USPL1: variants seen among roughly 807,000 people sequenced by gnomAD.
The protein encoded by USPL1 is SUMO-specific isopeptidase USPL1.
A neutral mutation model predicts 51.5 loss-of-function variants in USPL1; 27 were observed. The observed-to-expected ratio is 0.52, with a 90% CI of 0.39 to 0.72. USPL1 has a LOEUF of 0.72. Ranked by LOEUF, USPL1 falls within the 30% of genes least tolerant of loss-of-function variation. The pLI, the probability that USPL1 is intolerant of heterozygous loss-of-function variation, is 0.00. For synonymous variants in USPL1, 451 were observed against 459.6 expected (o/e 0.98, Z 0.24); for missense variants, 1,226 against 1,268.0 (o/e 0.97, Z 0.50).
chr13:30,651,612 C>T (rs923237288), intron 7 of USPL1, among the ~76,000 whole-genome samples: 1 of 152,202 alleles, frequency 6.6e-6, no homozygotes, highest in African/African-American at 2.4e-5. Context: ...GTTTTAGTAA[C>T]TAGCCTCAGA....
At chr13:30,631,515 T>C (rs775388664) in intron 4 of USPL1, 41 bp downstream of exon 4, 1 of 1,529,222 alleles carries the variant, frequency 6.5e-7, no homozygotes, top group Admixed American at 1.9e-5. Context: ...TATTTATTCA[T>C]CTGGAGTCAG....
intron 4 of USPL1, among the ~76,000 whole-genome samples, chr13:30,633,504 C>T (rs1010487807): frequency 6.6e-6 from 1 of 152,030 alleles, no homozygotes; most frequent in Non-Finnish European, 1.5e-5. Context: ...GGTGCAGTGG[C>T]TCACATCTGT....
intron 3 of USPL1, among the ~76,000 whole-genome samples, chr13:30,629,174 T>C (rs1393163990): frequency 6.6e-6 from 1 of 152,194 alleles, no homozygotes; most frequent in Non-Finnish European, 1.5e-5. Flanking sequence ...TATCTGTTGG[T>C]GTGAAACGAA....
intron 3 of USPL1, among the ~76,000 whole-genome samples, chr13:30,629,639 A>G (rs1180495591): frequency 2.6e-5 from 4 of 152,194 alleles, no homozygotes; most frequent in African/African-American, 7.2e-5. Context: ...TTGAGTTCAA[A>G]TAGTCAGCCA....
intron 3 of USPL1, among the ~76,000 whole-genome samples, chr13:30,628,911 T>C (rs1018316160): frequency 2.6e-5 from 4 of 152,218 alleles, no homozygotes; most frequent in Non-Finnish European, 5.9e-5. Context: ...CGTACCTTTT[T>C]ATGATGCTTT....
intron 4 of USPL1, among the ~76,000 whole-genome samples, chr13:30,632,318 G>C (rs993454640): frequency 2.0e-5 from 3 of 150,270 alleles, no homozygotes; most frequent in African/African-American, 7.4e-5. Context: ...TGGCTGCATA[G>C]TATTCTATGG....
At chr13:30,648,005 C>T (rs568149000) in intron 7 of USPL1, among the ~76,000 whole-genome samples, 1 of 152,212 alleles carries the variant, frequency 6.6e-6, no homozygotes, top group African/African-American at 2.4e-5. Context: ...GCAGTCTGTT[C>T]TCCTTTTATA....
At chr13:30,654,531 G>A (rs34796483) in intron 8 of USPL1, among the ~76,000 whole-genome samples, 2,788 of 152,034 alleles carry the variant, frequency 0.018, 36 homozygotes, top group Middle Eastern at 0.048. Flanking sequence ...TGGCAATACT[G>A]TTTTAAACAT....
chr13:30,638,067 C>T (rs1384069180), intron 5 of USPL1, among the ~76,000 whole-genome samples: 4 of 152,178 alleles, frequency 2.6e-5, no homozygotes, highest in Admixed American at 2.6e-4. Flanking sequence ...TGTTCCACCT[C>T]TTGAGAGTGG....
At chr13:30,629,593 C>T (rs1950772559) in intron 3 of USPL1, among the ~76,000 whole-genome samples, 1 of 152,200 alleles carries the variant, frequency 6.6e-6, no homozygotes, top group South Asian at 2.1e-4. Context: ...GAAATGTCCA[C>T]ATGGCTGGCA....
chr13:30,649,723 G>C (rs1040777255), intron 7 of USPL1, among the ~76,000 whole-genome samples: 2 of 152,194 alleles, frequency 1.3e-5, no homozygotes, highest in African/African-American at 2.4e-5. Flanking sequence ...ATATTTCTCT[G>C]CTATCTTTGG....
intron 3 of USPL1, among the ~76,000 whole-genome samples, chr13:30,628,837 GC>G (rs1950759447): frequency 1.3e-5 from 2 of 152,206 alleles, no homozygotes; most frequent in Admixed American, 6.5e-5. Flanking sequence ...TGTGAATAAT[GC>G]TGCAGTGAAT....
At chr13:30,651,253 G>A (rs1001041789) in intron 7 of USPL1, among the ~76,000 whole-genome samples, 5 of 152,044 alleles carry the variant, frequency 3.3e-5, no homozygotes, top group African/African-American at 1.2e-4. Context: ...CTTTTTTGCT[G>A]GTTAAGAAAA....
rs11838940 is a variant in USPL1 at position 30,638,248 on chromosome 13, G to A, written c.982+391G>A. ...GGGGCATTTGAATTAGGATCTCAGG[G>A]ATGGGGCTCAGGAAATCAGTAATTT... is the stretch of plus-strand genomic sequence containing the variant. On this transcript the variant is annotated intron_variant, in intron 5 of 8. Transcript: ENST00000255304. 9.3e-3 allele frequency among the ~76,000 whole-genome samples: 1,409 copies of A among 152,306 alleles called. 28 individuals carry two copies. The highest frequency in any genetic ancestry group is 0.032 in the African/African-American group (1,332 of 41,560).
At position 30,645,257 on chromosome 13, in the gene USPL1, G is replaced by A. The variant is rs79970984; in HGVS notation, c.1113-1675G>A. On this transcript the variant is annotated intron_variant, in intron 6 of 8. Transcript: ENST00000255304. ...ATATCTTAGTTGTTTGACAGTTTTC[G>A]GTTGAGTGTCTTCTGTGTGTTAGGA... Among the ~76,000 whole-genome samples, 1,441 of 152,166 alleles carry A rather than the reference G, an allele frequency of 9.5e-3. 13 individuals carry two copies. Among genetic ancestry groups the A allele is most frequent in the Non-Finnish European group, 0.016 (1,105 of 68,014 alleles).
At chr13:30,625,444 G>GTTTTTTTTTTTT (rs926283215) in intron 3 of USPL1, among the ~76,000 whole-genome samples, 5 of 118,958 alleles carry the variant, frequency 4.2e-5, no homozygotes, top group Non-Finnish European at 6.9e-5. Flanking sequence ...TTTGTTTTTT[G>GTTTTTTTTTTTT]TTTTTTTTTT....
intron 7 of USPL1, among the ~76,000 whole-genome samples, chr13:30,649,282 G>A (rs1411019823): frequency 6.6e-6 from 1 of 151,968 alleles, no homozygotes; most frequent in Non-Finnish European, 1.5e-5. Flanking sequence ...TAAGTCCTTT[G>A]TGTTTTTTTA....
rs1459719154 is a variant in USPL1 at position 30,621,111 on chromosome 13, C to T, written c.-30C>T. 6.3e-7 allele frequency: 1 copy of T among 1,577,492 alleles called. No homozygotes were observed. ...AATCCTTAGTGATATTGACATGTCTCAAGTGACATAAATTAGCCAATGACT... is the reference window on the plus strand; with the variant it reads ...AATCCTTAGTGATATTGACATGTCTTAAGTGACATAAATTAGCCAATGACT... On this transcript the variant is annotated 5_prime_UTR_variant, in exon 2 of 9. It introduces an in-frame stop codon into an upstream open reading frame of the 5' UTR. Coordinates refer to ENST00000255304, the MANE Select transcript of USPL1 (RefSeq NM_005800.5).
chr13:30,648,556 T>C (rs1951047595), intron 7 of USPL1, among the ~76,000 whole-genome samples: 2 of 152,218 alleles, frequency 1.3e-5, no homozygotes, highest in South Asian at 4.1e-4. Context: ...AAATAAGCTC[T>C]TCTTTGTCAT....
Sources: gnomAD v4.1 joint callset for allele counts (sites outside exome capture counted in the v4.1 genomes callset) on GRCh38, gnomAD v4.1.1 for gene constraint, MANE v1.5 for transcripts, NCBI Gene and HGNC (gene_info 2026-07-23, HGNC 2026-07-21) for gene names.